THSD7A: variants seen among roughly 807,000 people sequenced by gnomAD.
The protein encoded by THSD7A is thrombospondin type-1 domain-containing protein 7A.
Under a neutral mutation model 231.3 loss-of-function variants are expected in THSD7A, and 96 were observed. The observed-to-expected ratio is 0.41, with a 90% CI of 0.35 to 0.49. The LOEUF (loss-of-function observed/expected upper bound fraction) is 0.49, where lower values mean the gene tolerates loss of function less well. Among genes scored for constraint, THSD7A ranks in the 20% least tolerant of loss-of-function variants. THSD7A has a pLI of 0.05. For missense variants in THSD7A, 2,290 were observed against 2,070.2 expected (o/e 1.11, Z -2.06); for synonymous variants, 940 against 743.3 (o/e 1.26, Z -4.30).
intron 1 of THSD7A, among the ~76,000 whole-genome samples, chr7:11,769,153 A>ATATATTTTTTTTTTTTTTTTTTTTT: frequency 7.2e-5 from 2 of 27,648 alleles, no homozygotes; most frequent in Non-Finnish European, 7.0e-5. Flanking sequence ...ATATATATAT[A>ATATATTTTTTTTTTTTTTTTTTTTT]TTTTTTTTTT....
At position 11,401,901 on chromosome 7, in the gene THSD7A, A is replaced by G; in HGVS notation, c.4305T>C (p.Asp1435=). 6.2e-7 allele frequency: 1 copy of G among 1,613,908 alleles called. No homozygotes were observed. Among genetic ancestry groups the G allele is most frequent in the Non-Finnish European group, 8.5e-7 (1 of 1,179,870 alleles). Residue 1435 remains aspartate, a synonymous_variant, in exon 23 of 28, where the codon GAT becomes GAC. Transcript: ENST00000423059. ...TGACCTGTATTCCACCAAAGCCTAG[A>G]TCCTCACCATTCACACAGGTCAGCT... ...LCQLTCVNGE[D]LGFGGIQVRS... is the part of the protein sequence containing the mutation.
intron 1 of THSD7A, among the ~76,000 whole-genome samples, chr7:11,787,520 T>G (rs1240560863): frequency 2.0e-5 from 3 of 152,082 alleles, no homozygotes; most frequent in African/African-American, 7.2e-5. Flanking sequence ...GATAAATGAC[T>G]GTTATCCAAA....
At chr7:11,554,028 C>G (rs959033030) in intron 4 of THSD7A, among the ~76,000 whole-genome samples, 2 of 151,904 alleles carry the variant, frequency 1.3e-5, no homozygotes, top group African/African-American at 4.8e-5. Context: ...AATTTGACAG[C>G]TTCTACATAT....
rs1782881648 is a variant in THSD7A at position 11,762,076 on chromosome 7, A to G, written c.190+69681T>C. Among the ~76,000 whole-genome samples the G allele has an allele frequency of 5.9e-5, 9 of 152,206 alleles. No homozygotes were observed. In the South Asian group the frequency reaches 1.7e-3, roughly 28 times the overall value. On this transcript the variant is annotated intron_variant, in intron 1 of 27. Transcript: ENST00000423059. ...TTTCAATCATGTTGCTGCAAAGGCC[A>G]TAATTCCATGCTTTTTATCGCTGCA...
intron 2 of THSD7A, among the ~76,000 whole-genome samples, chr7:11,597,717 G>A (rs773760386): frequency 2.6e-5 from 4 of 152,178 alleles, no homozygotes; most frequent in Non-Finnish European, 4.4e-5. Flanking sequence ...GACCTGAACT[G>A]CCTATCATGT....
chr7:11,558,000 T>C (rs79306130), intron 4 of THSD7A, among the ~76,000 whole-genome samples: 2,144 of 152,246 alleles, frequency 0.014, 27 homozygotes, highest in Middle Eastern at 0.024. Context: ...GTCTAAAATT[T>C]TGTGTCTTGC....
intron 2 of THSD7A, among the ~76,000 whole-genome samples, chr7:11,618,509 GAGA>G (rs1781188076): frequency 6.6e-6 from 1 of 152,046 alleles, no homozygotes; most frequent in East Asian, 1.9e-4. Flanking sequence ...ATGTAAGAAG[GAGA>G]AGAATAGGGC....
chr7:11,491,868 G>A (rs1050686999), intron 6 of THSD7A, among the ~76,000 whole-genome samples: 1 of 152,046 alleles, frequency 6.6e-6, no homozygotes, highest in African/African-American at 2.4e-5. Flanking sequence ...GTGGAGCCTT[G>A]CAACGCTCTT....
chr7:11,635,394 A>G (rs1781798269), intron 2 of THSD7A, among the ~76,000 whole-genome samples: 1 of 152,228 alleles, frequency 6.6e-6, no homozygotes, highest in Non-Finnish European at 1.5e-5. Context: ...AGAGAACATC[A>G]TGTCTTTCAG....
At chr7:11,784,738 C>T (rs1451696349) in intron 1 of THSD7A, among the ~76,000 whole-genome samples, 1 of 151,978 alleles carries the variant, frequency 6.6e-6, no homozygotes, top group African/African-American at 2.4e-5. Flanking sequence ...TCCTGGAACT[C>T]GAATAATGCT....
At chr7:11,701,342 A>G (rs2128144897) in intron 1 of THSD7A, among the ~76,000 whole-genome samples, 1 of 151,228 alleles carries the variant, frequency 6.6e-6, no homozygotes, top group Admixed American at 6.6e-5. Flanking sequence ...TTCTTTAACG[A>G]TGTGAAAACC....
At chr7:11,657,462 C>G (rs570126719) in intron 1 of THSD7A, among the ~76,000 whole-genome samples, 1 of 151,828 alleles carries the variant, frequency 6.6e-6, no homozygotes, top group Non-Finnish European at 1.5e-5. Context: ...GGTGTGGAAC[C>G]ATTACTATGG....
At chr7:11,415,951 C>T (rs1432676682) in intron 17 of THSD7A, among the ~76,000 whole-genome samples, 3 of 152,192 alleles carry the variant, frequency 2.0e-5, no homozygotes, top group South Asian at 2.1e-4. Context: ...TTTCCAACCA[C>T]GTGGCAGTGC....
At chr7:11,472,551 C>G (rs1329784456) in intron 8 of THSD7A, among the ~76,000 whole-genome samples, 1 of 152,050 alleles carries the variant, frequency 6.6e-6, no homozygotes, top group Non-Finnish European at 1.5e-5. Context: ...TTTGATTTAA[C>G]AAGTCTATAG....
At chr7:11,428,910 TCAA>T in intron 14 of THSD7A, 34 bp downstream of exon 14, 2 of 1,553,120 alleles carry the variant, frequency 1.3e-6, no homozygotes, top group Non-Finnish European at 1.7e-6. Context: ...ATTGTGAATC[TCAA>T]CAATATCTTA....
intron 11 of THSD7A, among the ~76,000 whole-genome samples, chr7:11,456,700 CT>C (rs372203567): frequency 3.4e-4 from 51 of 152,064 alleles, no homozygotes; most frequent in African/African-American, 1.2e-3. Context: ...GTCCTAACTA[CT>C]CAATTGTGCC....
At chr7:11,803,628 G>A (rs1355999800) in intron 1 of THSD7A, among the ~76,000 whole-genome samples, 1 of 152,024 alleles carries the variant, frequency 6.6e-6, no homozygotes, top group Non-Finnish European at 1.5e-5. Flanking sequence ...TGCTATTGAG[G>A]CTCCTTATTT....
intron 4 of THSD7A, among the ~76,000 whole-genome samples, chr7:11,550,714 A>G (rs1026816461): frequency 6.6e-6 from 1 of 152,140 alleles, no homozygotes; most frequent in African/African-American, 2.4e-5. Flanking sequence ...CTTTATATCA[A>G]TGTGAAAATG....
intron 6 of THSD7A, among the ~76,000 whole-genome samples, chr7:11,503,999 T>C (rs560082121): frequency 2.0e-5 from 3 of 152,172 alleles, no homozygotes; most frequent in Admixed American, 6.5e-5. Context: ...GCCACAGAGA[T>C]ACATGCATGC....
Sources: allele counts gnomAD v4.1 joint callset (sites outside exome capture counted in the v4.1 genomes callset), GRCh38; gene constraint gnomAD v4.1.1; transcripts MANE v1.5; gene names NCBI Gene and HGNC (gene_info 2026-07-23, HGNC 2026-07-21).